Variants in PRDM5 observed in about 807,000 individuals in gnomAD.
PRDM5 encodes the protein PR domain zinc finger protein 5.
Under a neutral mutation model 81.2 loss-of-function variants are expected in PRDM5, and 56 were observed. That is an observed-to-expected ratio of 0.69 (90% CI 0.56 to 0.86). PRDM5 has a LOEUF of 0.86. Among genes scored for constraint, PRDM5 ranks in the 40% least tolerant of loss-of-function variants. PRDM5 has a pLI of 0.00. For synonymous variants in PRDM5, 267 were observed against 256.4 expected (o/e 1.04, Z -0.39); for missense variants, 697 against 770.1 (o/e 0.91, Z 1.12).
chr4:120,742,578 G>A (rs1404062015), intron 14 of PRDM5, among the ~76,000 whole-genome samples: 1 of 152,180 alleles, frequency 6.6e-6, no homozygotes, highest in African/African-American at 2.4e-5. Context: ...ACAGAGAAGT[G>A]CTTAAAGGAG....
chr4:120,710,416 G>A lies in PRDM5; in HGVS notation c.1624-3C>T. 1 of 1,613,630 alleles carries A rather than the reference G, an allele frequency of 6.2e-7. No homozygotes were observed. Among genetic ancestry groups the A allele is most frequent in the South Asian group, 1.1e-5 (1 of 91,056 alleles). On this transcript the variant is annotated splice_region_variant and splice_polypyrimidine_tract_variant and intron_variant, in intron 14 of 15. Coordinates refer to ENST00000264808, the MANE Select transcript of PRDM5 (RefSeq NM_018699.4). Reference sequence around the variant, plus strand: ...TCTGAGCACTTGTACGGCTTCTCCTGCAGTCAACAAAAAGAGACCACCAAA... The same window carrying A: ...TCTGAGCACTTGTACGGCTTCTCCTACAGTCAACAAAAAGAGACCACCAAA...
At chr4:120,896,779 GT>G (rs1764671177) in intron 2 of PRDM5, 2 of 152,010 alleles carry the variant, frequency 1.3e-5, no homozygotes, top group Admixed American at 1.3e-4. Context: ...CACCTCCCAG[GT>G]TCACGCCATT....
chr4:120,919,294 C>T (rs1724600645), intron 1 of PRDM5, among the ~76,000 whole-genome samples: 1 of 152,188 alleles, frequency 6.6e-6, no homozygotes, highest in South Asian at 2.1e-4. Context: ...AAGCAAGCTC[C>T]TTGCAGAAAA....
chr4:120,693,111 T>G lies in PRDM5; in HGVS notation c.*2000A>C, dbSNP rs139903262. On this transcript the variant is annotated 3_prime_UTR_variant, in exon 16 of 16. Coordinates refer to ENST00000264808, the MANE Select transcript of PRDM5 (RefSeq NM_018699.4). The stretch of plus-strand genomic sequence containing the variant: ...TCAGCAGGATAAAGCCCAGCACCTC[T>G]TGCCTGTCTGTTTACTCCACAGCAT... The G allele has an allele frequency of 1.6e-4, 25 of 152,194 alleles. No homozygotes were observed. The Middle Eastern group carries it at 0.01, about 62-fold the overall frequency. 9.4% of individuals were successfully genotyped at this position (152,194 alleles called of 1,614,324 possible). A position where few individuals can be genotyped will look rare whatever the true frequency, so the allele number is the denominator to read the frequency against.
At chr4:120,859,531 G>A (rs1363112780) in intron 2 of PRDM5, among the ~76,000 whole-genome samples, 1 of 152,088 alleles carries the variant, frequency 6.6e-6, no homozygotes, top group East Asian at 1.9e-4. Flanking sequence ...AGCCATGTCA[G>A]CTTTTTCAAG....
intron 3 of PRDM5, among the ~76,000 whole-genome samples, chr4:120,847,977 G>A (rs1350349065): frequency 1.3e-5 from 2 of 152,066 alleles, no homozygotes; most frequent in African/African-American, 2.4e-5. Flanking sequence ...AACCTGACAG[G>A]CTCTGATTCT....
chr4:120,870,549 C>A (rs1286969126), intron 2 of PRDM5, among the ~76,000 whole-genome samples: 1 of 152,036 alleles, frequency 6.6e-6, no homozygotes, highest in African/African-American at 2.4e-5. Context: ...GGAGAGGCCC[C>A]TAAGCCAGCC....
chr4:120,685,884 T>A (rs1257496056), intron 1 of PRDM5, among the ~76,000 whole-genome samples: 1 of 152,132 alleles, frequency 6.6e-6, no homozygotes, highest in African/African-American at 2.4e-5. Flanking sequence ...AATCTCATGT[T>A]GAATTGTAAT....
chr4:120,908,198 A>G (rs1766052483), intron 1 of PRDM5, among the ~76,000 whole-genome samples: 1 of 152,236 alleles, frequency 6.6e-6, no homozygotes, highest in Admixed American at 6.5e-5. Flanking sequence ...CTGTCCTTCA[A>G]TCTACCCTGA....
chr4:120,715,305 T>C (rs994151868), intron 14 of PRDM5, among the ~76,000 whole-genome samples: 14 of 152,218 alleles, frequency 9.2e-5, no homozygotes, highest in African/African-American at 3.4e-4. Context: ...AAGTGCTCCT[T>C]ATAGGGCCTT....
chr4:120,747,575 C>T (rs931415863), intron 14 of PRDM5, among the ~76,000 whole-genome samples: 18 of 152,238 alleles, frequency 1.2e-4, no homozygotes, highest in Admixed American at 6.5e-4. Flanking sequence ...TACCCACCCT[C>T]GTTTGGACTC....
intron 3 of PRDM5, among the ~76,000 whole-genome samples, chr4:120,828,529 T>G (rs534601488): frequency 6.6e-6 from 1 of 152,136 alleles, no homozygotes; most frequent in Non-Finnish European, 1.5e-5. Context: ...TATCAAATTA[T>G]GCAACTATAA....
At chr4:120,758,612 G>A (rs1192175419) in intron 13 of PRDM5, among the ~76,000 whole-genome samples, 1 of 152,174 alleles carries the variant, frequency 6.6e-6, no homozygotes, top group South Asian at 2.1e-4. Flanking sequence ...CTTCCCTAGC[G>A]CCTTCACAGG....
chr4:120,883,290 G>A lies in PRDM5; in HGVS notation c.177+24184C>T, dbSNP rs546472359. ...TTGCACTTTCTTAAAGTTGATTTTC[G>A]TTTATTTTGCTAAATGTTTTCTTTT... On this transcript the variant is annotated intron_variant, in intron 2 of 15. Transcript: ENST00000264808. Among the ~76,000 whole-genome samples the A allele has an allele frequency of 3.7e-3, 568 of 152,016 alleles. 2 individuals carry two copies. Among genetic ancestry groups the A allele is most frequent in the African/African-American group, 0.013 (532 of 41,434 alleles).
At chr4:120,759,821 C>G (rs1351909505) in intron 13 of PRDM5, among the ~76,000 whole-genome samples, 1 of 152,096 alleles carries the variant, frequency 6.6e-6, no homozygotes, top group Non-Finnish European at 1.5e-5. Context: ...CAAATTCTAA[C>G]TAACATGTAA....
chr4:120,698,847 C>T (rs139432400), intron 15 of PRDM5, among the ~76,000 whole-genome samples: 6 of 152,140 alleles, frequency 3.9e-5, no homozygotes, highest in Admixed American at 2.0e-4. Context: ...GACATCTAAT[C>T]GTCTCCATCT....
At chr4:120,770,274 C>A (rs962934401) in intron 13 of PRDM5, among the ~76,000 whole-genome samples, 14 of 152,198 alleles carry the variant, frequency 9.2e-5, no homozygotes, top group African/African-American at 3.1e-4. Context: ...GGTGATCTGC[C>A]CACCTCAACC....
chr4:120,823,177 T>C (rs535047332), intron 3 of PRDM5, among the ~76,000 whole-genome samples: 13 of 152,292 alleles, frequency 8.5e-5, no homozygotes, highest in Middle Eastern at 6.8e-3. Flanking sequence ...ACCGTCATCC[T>C]AGTATATTAG....
chr4:120,739,487 A>T (rs562608463), intron 14 of PRDM5, among the ~76,000 whole-genome samples: 202 of 152,334 alleles, frequency 1.3e-3, no homozygotes, highest in Non-Finnish European at 2.1e-3. Flanking sequence ...GATACCATTT[A>T]AAAAACTGTA....
Sources: allele counts gnomAD v4.1 joint callset (sites outside exome capture counted in the v4.1 genomes callset), GRCh38; gene constraint gnomAD v4.1.1; transcripts MANE v1.5; gene names NCBI Gene and HGNC (gene_info 2026-07-23, HGNC 2026-07-21).